CXADR: variants seen among roughly 807,000 people sequenced by gnomAD.
The protein encoded by CXADR is coxsackievirus and adenovirus receptor.
Under a neutral mutation model 40.3 loss-of-function variants are expected in CXADR, and 20 were observed. That is an observed-to-expected ratio of 0.50 (90% CI 0.35 to 0.72). The LOEUF (loss-of-function observed/expected upper bound fraction) is 0.72, where lower values mean the gene tolerates loss of function less well. Among genes scored for constraint, CXADR ranks in the 30% least tolerant of loss-of-function variants. CXADR has a pLI of 0.01. For missense variants in CXADR, 332 were observed against 449.1 expected, an observed-to-expected ratio of 0.74 and a Z score of 2.36; for synonymous variants, 150 against 161.3, an observed-to-expected ratio of 0.93 and a Z score of 0.53.
chr21:17,541,265 T>C (rs1299344760), intron 1 of CXADR, among the ~76,000 whole-genome samples: 2 of 152,138 alleles, frequency 1.3e-5, no homozygotes, highest in East Asian at 1.9e-4. Context: ...AAAAATCCTA[T>C]GTTCCGGCTG....
intron 2 of CXADR, among the ~76,000 whole-genome samples, chr21:17,551,208 T>C (rs1362178429): frequency 6.6e-6 from 1 of 152,174 alleles, no homozygotes; most frequent in Non-Finnish European, 1.5e-5. Flanking sequence ...GAGACCAGCC[T>C]GGCCAACGTG....
At chr21:17,632,741 C>G in the CXADR span, among the ~76,000 whole-genome samples, 7 of 152,040 alleles carry the variant, frequency 4.6e-5, no homozygotes, top group Non-Finnish European at 1.0e-4. Flanking sequence ...TGGGGGCAGG[C>G]GCCTGTAGTC....
chr21:17,599,015 T>G, the CXADR span: 4 of 513,350 alleles, frequency 7.8e-6, no homozygotes, highest in African/African-American at 1.9e-5. Context: ...TTTCTACTTC[T>G]GGTCTATTTA....
the CXADR span, among the ~76,000 whole-genome samples, chr21:17,627,605 G>T: frequency 6.6e-6 from 1 of 152,120 alleles, no homozygotes; most frequent in Non-Finnish European, 1.5e-5. Context: ...GGGAAATATG[G>T]TCTCTACAAA....
At chr21:17,602,026 A>G in the CXADR span, among the ~76,000 whole-genome samples, 1 of 152,102 alleles carries the variant, frequency 6.6e-6, no homozygotes, top group Admixed American at 6.5e-5. Context: ...GAATTAGTAG[A>G]CACCTGGACA....
At chr21:17,560,873 C>A in intron 5 of CXADR, 49 bp downstream of exon 5, 16 of 1,605,528 alleles carry the variant, frequency 1.0e-5, no homozygotes, top group Non-Finnish European at 1.3e-5. Context: ...TATCTTTATA[C>A]CACCTCCTTT....
intron 2 of CXADR, among the ~76,000 whole-genome samples, chr21:17,550,355 A>AAG (rs2060950952): frequency 6.6e-6 from 1 of 151,416 alleles, no homozygotes; most frequent in Admixed American, 6.6e-5. Flanking sequence ...CTGTCTCAAA[A>AAG]AAAAAAAAAA....
At chr21:17,581,504 A>G (rs188115316) in intron 7 of CXADR, among the ~76,000 whole-genome samples, 2 of 152,244 alleles carry the variant, frequency 1.3e-5, no homozygotes, top group Admixed American at 6.5e-5. Context: ...TTAAAAGTCT[A>G]CCTCTCTTTC....
chr21:17,592,987 GATTT>G (rs1250928571), intron 7 of CXADR, among the ~76,000 whole-genome samples: 1 of 151,888 alleles, frequency 6.6e-6, no homozygotes. Flanking sequence ...GCCATTCAAT[GATTT>G]ATTAGCAAGT....
intron 7 of CXADR, among the ~76,000 whole-genome samples, chr21:17,579,287 T>A (rs1052333264): frequency 1.5e-4 from 13 of 84,802 alleles, no homozygotes; most frequent in Non-Finnish European, 3.2e-4. Context: ...TTTCTTCTCT[T>A]TTCTTTTTTT....
chr21:17,555,135 G>A lies in CXADR; in HGVS notation c.415+3182G>A, dbSNP rs2123283556. On this transcript the variant is annotated intron_variant, in intron 3 of 6. Transcript: ENST00000284878. Reference sequence around the variant, plus strand: ...GGTTACTGTTGTGGCCATATATCACGGGCACCTTCCCCTGGAGCTCTGGAA... The same window carrying A: ...GGTTACTGTTGTGGCCATATATCACAGGCACCTTCCCCTGGAGCTCTGGAA... 2.0e-5 allele frequency among the ~76,000 whole-genome samples: 3 copies of A among 152,294 alleles called. No homozygotes were observed. In the South Asian group the frequency reaches 6.2e-4, roughly 32 times the overall value.
Position 17,561,377 on chromosome 21 carries a change from G to T in CXADR, c.734G>T (p.Gly245Val), listed in dbSNP as rs760582039. 2 of 1,605,224 alleles carry T rather than the reference G, an allele frequency of 1.2e-6. No individual in the cohort carries two copies. Among genetic ancestry groups the T allele is most frequent in the Admixed American group, 3.4e-5 (2 of 59,164 alleles). The change falls in exon 6 of 7, where the codon GGA becomes GTA. Residue 245 changes from glycine to valine, a missense_variant. Coordinates refer to ENST00000284878, the MANE Select transcript of CXADR (RefSeq NM_001338.5). Reference protein sequence around the residue: ...KAGLIAGAIIGTLLALALIGL... With the variant: ...KAGLIAGAIIVTLLALALIGL... The stretch of plus-strand genomic sequence containing the variant: ...GGACTAATTGCAGGAGCCATTATAG[G>T]AACTTTGCTTGCTCTAGCGCTCATT...
At chr21:17,601,754 G>T in the CXADR span, among the ~76,000 whole-genome samples, 2 of 152,092 alleles carry the variant, frequency 1.3e-5, no homozygotes, top group Non-Finnish European at 2.9e-5. Context: ...CTTCAGTTTT[G>T]CCCATTAATG....
rs6147430 is a variant in CXADR, at chr21:17,565,282, GACACACAC to G, written c.834-121_834-114del. On this transcript the variant is annotated intron_variant, in intron 6 of 6. Coordinates refer to ENST00000284878, the MANE Select transcript of CXADR (RefSeq NM_001338.5). Reference sequence around the variant, plus strand: ...TGGCTTGTGCTTTTTGCTTTTTTGTGACACACACACACACACACACACACACACACACT... The same window carrying G: ...TGGCTTGTGCTTTTTGCTTTTTTGTGACACACACACACACACACACACACT... 2.0e-3 allele frequency: 1,578 copies of G among 804,316 alleles called. 5 individuals carry two copies. Among genetic ancestry groups the G allele is most frequent in the African/African-American group, 6.4e-3 (362 of 56,576 alleles). 49.8% of individuals were successfully genotyped at this position (804,316 alleles called of 1,614,324 possible).
the CXADR span, among the ~76,000 whole-genome samples, chr21:17,616,418 C>A: frequency 6.8e-6 from 1 of 146,766 alleles, no homozygotes; most frequent in Non-Finnish European, 1.5e-5. Flanking sequence ...TCACTGCAAG[C>A]TCCGCCTGCC....
intron 7 of CXADR, among the ~76,000 whole-genome samples, chr21:17,591,022 T>C (rs2061431180): frequency 6.6e-6 from 1 of 152,112 alleles, no homozygotes; most frequent in Admixed American, 6.6e-5. Flanking sequence ...TAATGTCTTA[T>C]ATTCTCATTA....
chr21:17,605,726 A>T, the CXADR span, among the ~76,000 whole-genome samples: 2 of 152,200 alleles, frequency 1.3e-5, no homozygotes, highest in South Asian at 4.1e-4. Context: ...ATGTTTAATA[A>T]ATAAAAAATA....
At chr21:17,572,913 C>A (rs184265058), downstream of CXADR, among the ~76,000 whole-genome samples, 88 of 152,256 alleles carry the variant, frequency 5.8e-4, no homozygotes, top group Non-Finnish European at 1.0e-3. Context: ...CCGTCAAAGT[C>A]TTTTTAAATG....
chr21:17,583,345 T>C (rs1013667159), intron 7 of CXADR, among the ~76,000 whole-genome samples: 2 of 152,206 alleles, frequency 1.3e-5, no homozygotes, highest in African/African-American at 2.4e-5. Flanking sequence ...GAAATTTACA[T>C]AGCAGTTAAA....
Sources: allele counts gnomAD v4.1 joint callset (sites outside exome capture counted in the v4.1 genomes callset), GRCh38; gene constraint gnomAD v4.1.1; transcripts MANE v1.5; gene names NCBI Gene and HGNC (gene_info 2026-07-23, HGNC 2026-07-21).